The following CCDC63 variants were observed in gnomAD, a reference collection of about 807,000 sequenced individuals.
The protein encoded by CCDC63 is coiled-coil domain-containing protein 63.
A neutral mutation model predicts 63.6 loss-of-function variants in CCDC63; 54 were observed. The ratio of observed to expected loss-of-function variants is 0.85; its 90% CI spans 0.68 to 1.07. The LOEUF is 1.07. Among genes scored for constraint, CCDC63 ranks in the 50% least tolerant of loss-of-function variants. CCDC63 has a pLI of 0.00. For missense variants in CCDC63, 637 were observed against 689.6 expected (o/e 0.92, Z 0.86); for synonymous variants, 253 against 266.1 (o/e 0.95, Z 0.48).
chr12:110,858,564 T>A, intron 3 of CCDC63, 22 bp from the exon 4 acceptor site: 1 of 1,598,948 alleles, frequency 6.3e-7, no homozygotes, highest in Non-Finnish European at 8.5e-7. Context: ...TTGGGGTTAA[T>A]CATGGGCTGC....
At chr12:110,881,429 C>G (rs902354486) in intron 7 of CCDC63, 133 bp downstream of exon 7, 1 of 927,244 alleles carries the variant, frequency 1.1e-6, no homozygotes. Context: ...ATATAAGATG[C>G]CTAGTTAAGG....
intron 9 of CCDC63, among the ~76,000 whole-genome samples, chr12:110,896,562 G>T (rs1181459866): frequency 6.6e-6 from 1 of 152,146 alleles, no homozygotes; most frequent in Non-Finnish European, 1.5e-5. Context: ...TGGGAATGGG[G>T]CTGGTTCACC....
chr12:110,894,570 T>C (rs541473235), intron 9 of CCDC63, among the ~76,000 whole-genome samples: 1 of 152,290 alleles, frequency 6.6e-6, no homozygotes, highest in East Asian at 1.9e-4. Flanking sequence ...GCAAAGCACA[T>C]GCTGCCCATT....
At position 110,889,887 on chromosome 12, in the gene CCDC63, TA is replaced by T. The variant is rs1327341429; in HGVS notation, c.1075-3188del. ...CTTTTTTCCTTTTTCCAAAATCATA[TA>T]TTTTTTTCCGATTAGAATTTTTTTT... On this transcript the variant is annotated intron_variant, in intron 8 of 11. Coordinates refer to ENST00000308208, the MANE Select transcript of CCDC63 (RefSeq NM_152591.3). The surrounding 1 kb of genome is among the most constrained non-coding windows in gnomAD (Gnocchi z 4.1). Among the ~76,000 whole-genome samples the T allele has an allele frequency of 6.6e-6, 1 of 152,034 alleles. No individual in the cohort carries two copies. Among genetic ancestry groups the T allele is most frequent in the Non-Finnish European group, 1.5e-5 (1 of 67,992 alleles).
chr12:110,848,539 G>A (rs2070667813), intron 1 of CCDC63, among the ~76,000 whole-genome samples: 1 of 152,158 alleles, frequency 6.6e-6, no homozygotes, highest in African/African-American at 2.4e-5. Flanking sequence ...AAAGGCAGGA[G>A]GTGATGGAGC....
chr12:110,906,059 A>ATATAT (rs548675154), intron 11 of CCDC63, among the ~76,000 whole-genome samples: 4 of 88,224 alleles, frequency 4.5e-5, no homozygotes, highest in African/African-American at 1.9e-4. Context: ...ATATATATAT[A>ATATAT]ATATATATAC....
At chr12:110,845,639 C>G (rs1044474712), upstream of CCDC63, 8 of 152,132 alleles carry the variant, frequency 5.3e-5, no homozygotes, top group Non-Finnish European at 7.3e-5. Context: ...GGCCCGAACC[C>G]TGTATGTAAT....
chr12:110,860,542 T>C (rs1172171985), intron 4 of CCDC63, among the ~76,000 whole-genome samples: 1 of 152,230 alleles, frequency 6.6e-6, no homozygotes, highest in African/African-American at 2.4e-5. Context: ...TATTAATTAA[T>C]TGCTATAAAG....
intron 3 of CCDC63, among the ~76,000 whole-genome samples, chr12:110,855,526 T>G (rs1160798614): frequency 6.6e-6 from 1 of 152,208 alleles, no homozygotes; most frequent in East Asian, 1.9e-4. Flanking sequence ...GGTTTCACTT[T>G]GATGGAACTG....
chr12:110,880,793 G>GTT (rs796114729), intron 6 of CCDC63, among the ~76,000 whole-genome samples: 100 of 4,090 alleles, frequency 0.024, no homozygotes, highest in East Asian at 0.042. Context: ...TGGTGATGAT[G>GTT]ATGGTGACAA....
rs574125080 is a variant in CCDC63 at position 110,858,901 on chromosome 12, G to A, written c.369+126G>A. 6.6e-5 allele frequency: 48 copies of A among 732,736 alleles called. No individual in the cohort carries two copies. The South Asian group carries it at 7.1e-4, about 11-fold the overall frequency. 45.4% of individuals were successfully genotyped at this position (732,736 alleles called of 1,614,324 possible). Reference sequence around the variant, plus strand: ...TCACAGTATCTCCTCTGGACAGCCCGCTAAATGTGACTGCTGCTATCGTCT... The same window carrying A: ...TCACAGTATCTCCTCTGGACAGCCCACTAAATGTGACTGCTGCTATCGTCT... On this transcript the variant is annotated intron_variant, in intron 4 of 11. Transcript: ENST00000308208.
intron 7 of CCDC63, among the ~76,000 whole-genome samples, chr12:110,883,108 G>T (rs1358709167): frequency 6.6e-6 from 1 of 151,372 alleles, no homozygotes; most frequent in Non-Finnish European, 1.5e-5. Context: ...CGCAATCTCG[G>T]CTCACTGCAA....
At chr12:110,882,218 A>G (rs1001876403) in intron 7 of CCDC63, among the ~76,000 whole-genome samples, 1 of 152,206 alleles carries the variant, frequency 6.6e-6, no homozygotes, top group African/African-American at 2.4e-5. Context: ...TCATGTCAAG[A>G]GTTATCTACT....
At chr12:110,847,305 T>G (rs533490867) in intron 1 of CCDC63, among the ~76,000 whole-genome samples, 200 bp downstream of exon 1, 3 of 152,322 alleles carry the variant, frequency 2.0e-5, no homozygotes, top group South Asian at 4.1e-4. Flanking sequence ...GGCTCATGCC[T>G]GTAATTCTAG....
intron 4 of CCDC63, among the ~76,000 whole-genome samples, chr12:110,860,919 T>G (rs2070845400): frequency 1.3e-5 from 2 of 152,200 alleles, no homozygotes; most frequent in Non-Finnish European, 1.5e-5. Flanking sequence ...AAAAGAGGTT[T>G]AATTGGCTTA....
chr12:110,890,352 C>T (rs1160022929), intron 8 of CCDC63, among the ~76,000 whole-genome samples: 1 of 151,482 alleles, frequency 6.6e-6, no homozygotes, highest in African/African-American at 2.4e-5. Context: ...CCAATCTTTA[C>T]AGGGGGAAAA....
intron 10 of CCDC63, among the ~76,000 whole-genome samples, chr12:110,899,690 C>CT (rs60708943): frequency 0.046 from 6,321 of 138,222 alleles, 441 homozygotes; most frequent in African/African-American, 0.15. Context: ...TTAATGCCTT[C>CT]TTTTTTTTTT....
At chr12:110,851,026 T>C (rs1162203109) in intron 1 of CCDC63, among the ~76,000 whole-genome samples, 1 of 152,184 alleles carries the variant, frequency 6.6e-6, no homozygotes, top group Non-Finnish European at 1.5e-5. Context: ...TATTTTGTCA[T>C]AGGCAGGATT....
At position 110,861,997 on chromosome 12, in the gene CCDC63, C is replaced by T. The variant is rs117854645; in HGVS notation, c.369+3222C>T. The stretch of plus-strand genomic sequence containing the variant: ...TTGACGCCCCCTTCGTGGCTTGTTT[C>T]CAGTCCTAGATTGTAAGTTCTCAGA... On this transcript the variant is annotated intron_variant, in intron 4 of 11. Coordinates refer to ENST00000308208, the MANE Select transcript of CCDC63 (RefSeq NM_152591.3). Among the ~76,000 whole-genome samples, 937 of 152,180 alleles carry T rather than the reference C, an allele frequency of 6.2e-3. 20 individuals are homozygous for T. In the East Asian group the frequency reaches 0.066, roughly 11 times the overall value.
Sources: gnomAD v4.1 joint callset for allele counts (sites outside exome capture counted in the v4.1 genomes callset) on GRCh38, gnomAD v4.1.1 for gene constraint, Gnocchi (gnomAD v3.1) non-coding constraint, MANE v1.5 for transcripts, NCBI Gene and HGNC (gene_info 2026-07-23, HGNC 2026-07-21) for gene names.